PCDH15: variants seen among roughly 807,000 people sequenced by gnomAD.
PCDH15 encodes the protein protocadherin related 15, also known as protocadherin-15.
PCDH15 carries 129 observed loss-of-function variants against 178.5 expected under a neutral mutation model. The observed-to-expected ratio is 0.72, with a 90% CI of 0.63 to 0.84. The LOEUF (loss-of-function observed/expected upper bound fraction) is 0.84. Among genes scored for constraint, PCDH15 ranks in the 40% least tolerant of loss-of-function variants. The pLI is 0.00. For synonymous variants in PCDH15, 800 were observed against 732.0 expected, an observed-to-expected ratio of 1.09 and a Z score of -1.50; for missense variants, 2,230 against 2,099.9, an observed-to-expected ratio of 1.06 and a Z score of -1.21.
At chr10:54,096,532 T>G (rs1292224045) in intron 15 of PCDH15, among the ~76,000 whole-genome samples, 3 of 152,184 alleles carry the variant, frequency 2.0e-5, no homozygotes, top group East Asian at 3.9e-4. Context: ...AAAATGCTAA[T>G]GACTTCAAAA....
chr10:54,374,203 G>T (rs1355744430), intron 4 of PCDH15, among the ~76,000 whole-genome samples: 1 of 152,040 alleles, frequency 6.6e-6, no homozygotes, highest in East Asian at 1.9e-4. Context: ...TATGTTGACT[G>T]ATGGAGATGC....
intron 8 of PCDH15, among the ~76,000 whole-genome samples, chr10:54,260,682 G>T (rs758272005): frequency 1.8e-4 from 28 of 152,056 alleles, no homozygotes; most frequent in Non-Finnish European, 7.4e-5. Flanking sequence ...CCCGGTTCAA[G>T]CGATTCTCCG....
chr10:54,322,885 T>C (rs2061699991), intron 7 of PCDH15, among the ~76,000 whole-genome samples: 2 of 152,034 alleles, frequency 1.3e-5, no homozygotes, highest in Non-Finnish European at 2.9e-5. Context: ...ACTAAAGAGC[T>C]TCGGCACACT....
intron 2 of PCDH15, among the ~76,000 whole-genome samples, chr10:55,532,299 T>G (rs1008396593): frequency 1.3e-5 from 2 of 152,016 alleles, no homozygotes; most frequent in Non-Finnish European, 2.9e-5. Flanking sequence ...ATAACCAGAT[T>G]TAAACCTTTT....
chr10:55,215,691 T>A (rs1011203634), intron 1 of PCDH15, among the ~76,000 whole-genome samples: 1 of 152,070 alleles, frequency 6.6e-6, no homozygotes, highest in Non-Finnish European at 1.5e-5. Context: ...AGGGCTTCCA[T>A]GGCAGGATAA....
intron 3 of PCDH15, among the ~76,000 whole-genome samples, chr10:54,509,315 T>C (rs1412851025): frequency 1.3e-5 from 2 of 152,068 alleles, no homozygotes; most frequent in South Asian, 2.1e-4. Flanking sequence ...AATAAGTCTC[T>C]TGAGATCTGA....
At chr10:54,602,486 T>C (rs1021095459) in intron 2 of PCDH15, among the ~76,000 whole-genome samples, 1 of 152,010 alleles carries the variant, frequency 6.6e-6, no homozygotes, top group Non-Finnish European at 1.5e-5. Flanking sequence ...CTTTCATTTC[T>C]TTTTATTGTA....
At chr10:55,053,087 A>G (rs1403149525) in intron 2 of PCDH15, among the ~76,000 whole-genome samples, 1 of 152,232 alleles carries the variant, frequency 6.6e-6, no homozygotes, top group Non-Finnish European at 1.5e-5. Context: ...CATTCACAAA[A>G]GGACATCATA....
At chr10:55,303,716 C>T (rs184495384) in intron 1 of PCDH15, among the ~76,000 whole-genome samples, 4 of 151,830 alleles carry the variant, frequency 2.6e-5, no homozygotes, top group East Asian at 1.9e-4. Flanking sequence ...GTAATATTAT[C>T]TTATTATCCT....
At chr10:55,400,195 T>C (rs1001055170) in intron 2 of PCDH15, among the ~76,000 whole-genome samples, 1 of 152,130 alleles carries the variant, frequency 6.6e-6, no homozygotes, top group Non-Finnish European at 1.5e-5. Context: ...TTCTGGCCAC[T>C]TGCAGGCTAT....
At position 55,141,606 on chromosome 10, in the gene PCDH15, G is replaced by A. The variant is rs563554936; in HGVS notation, c.-80+24970C>T. Among the ~76,000 whole-genome samples, 10 of 152,158 alleles carry A rather than the reference G, an allele frequency of 6.6e-5. No homozygotes were observed. The East Asian group carries it at 1.2e-3, about 18-fold the overall frequency. ...GATATCATTATCATTCATCTGGAAA[G>A]TAAAAGTTATTCCAATAGGAGACAG... is the stretch of plus-strand genomic sequence containing the variant. On this transcript the variant is annotated intron_variant, in intron 2 of 5. Coordinates refer to the PCDH15 transcript ENST00000458638.
At chr10:54,862,183 C>T (rs1953855796) in intron 3 of PCDH15, among the ~76,000 whole-genome samples, 1 of 152,040 alleles carries the variant, frequency 6.6e-6, no homozygotes, top group African/African-American at 2.4e-5. Flanking sequence ...TTAAACAATG[C>T]ACACAGATAA....
chr10:55,354,391 C>T (rs1020704766), intron 2 of PCDH15, among the ~76,000 whole-genome samples: 2 of 151,984 alleles, frequency 1.3e-5, no homozygotes, highest in Non-Finnish European at 2.9e-5. Flanking sequence ...CTTAAAGCAG[C>T]TCAGGGTACA....
intron 8 of PCDH15, among the ~76,000 whole-genome samples, chr10:54,272,977 T>C (rs1344047250): frequency 6.6e-6 from 1 of 152,144 alleles, no homozygotes; most frequent in Non-Finnish European, 1.5e-5. Context: ...GAGTATAATG[T>C]GGTATGTTCT....
At chr10:55,183,482 C>T (rs1038235698) in intron 1 of PCDH15, among the ~76,000 whole-genome samples, 1 of 151,822 alleles carries the variant, frequency 6.6e-6, no homozygotes, top group Non-Finnish European at 1.5e-5. Context: ...TCATGGTGCA[C>T]ACCTGTAATC....
intron 18 of PCDH15, among the ~76,000 whole-genome samples, chr10:54,057,258 C>G (rs2093913908): frequency 1.3e-5 from 2 of 152,202 alleles, no homozygotes; most frequent in South Asian, 4.1e-4. Flanking sequence ...TGTGGGGGCT[C>G]CCACCCACAT....
chr10:54,153,219 G>C lies in PCDH15; in HGVS notation c.1665C>G (p.Asp555Glu). The C allele has an allele frequency of 6.2e-7, 1 of 1,613,730 alleles. No individual in the cohort carries two copies. Among genetic ancestry groups the C allele is most frequent in the Non-Finnish European group, 8.5e-7 (1 of 1,179,874 alleles). The change falls in exon 14 of 38, where the codon GAC (aspartate) becomes GAG (glutamate). Residue 555 changes from aspartate (D) to glutamate (E), a missense_variant. By Grantham distance (45) the Asp-to-Glu change is conservative. Coordinates refer to ENST00000644397, the MANE Select transcript of PCDH15 (RefSeq NM_001384140.1). ...TYEILVGAQGDFIINKTTGLI... is the reference protein window; with the variant it reads ...TYEILVGAQGEFIINKTTGLI... Reference sequence around the variant, plus strand: ...GCCCTGTTGTTTTATTGATGATGAAGTCTCCCTGAGCCCCAACAAGGATTT... The same window carrying C: ...GCCCTGTTGTTTTATTGATGATGAACTCTCCCTGAGCCCCAACAAGGATTT...
chr10:53,984,304 C>G (rs1422651143), intron 21 of PCDH15, among the ~76,000 whole-genome samples: 1 of 151,776 alleles, frequency 6.6e-6, no homozygotes, highest in Admixed American at 6.6e-5. Flanking sequence ...CGCCCACCAC[C>G]ATGCTCGGCT....
At chr10:53,992,776 A>G (rs1310121996) in intron 21 of PCDH15, among the ~76,000 whole-genome samples, 4 of 152,232 alleles carry the variant, frequency 2.6e-5, no homozygotes, top group Admixed American at 6.5e-5. Context: ...TGTGAACTAC[A>G]TAATGTCAAC....
Sources: gnomAD v4.1 joint callset for allele counts (sites outside exome capture counted in the v4.1 genomes callset) on GRCh38, gnomAD v4.1.1 for gene constraint, MANE v1.5 for transcripts, NCBI Gene and HGNC (gene_info 2026-07-23, HGNC 2026-07-21) for gene names.